The following DPH1 variants were observed in gnomAD, a reference collection of about 807,000 sequenced individuals.
DPH1 encodes the protein diphthamide biosynthesis 1.
Under a neutral mutation model 55.3 loss-of-function variants are expected in DPH1, and 59 were observed. That is an observed-to-expected ratio of 1.07 (90% confidence interval 0.87 to 1.33). The LOEUF (loss-of-function observed/expected upper bound fraction) is 1.33. Among genes scored for constraint, DPH1 ranks in the 40% most tolerant of loss-of-function variants. DPH1 has a pLI of 0.00. For missense variants in DPH1, 628 were observed against 584.8 expected (o/e 1.07, Z -0.76); for synonymous variants, 238 against 235.5 (o/e 1.01, Z -0.10).
rs187964662 is a variant in DPH1, at chr17:2,036,858, C to G, written c.582C>G (p.Ala194=). ...AGGCAGCCGCCCAGGAGCTGAAAGC[C>G]GAGTATCGTGTGAGTGTCCCACAGT... ...TLQAAAQELK[A]EYRVSVPQCK... Residue 194 remains alanine (A), a synonymous_variant, in exon 6 of 13, where the codon GCC becomes GCG. Coordinates refer to ENST00000263083, the MANE Select transcript of DPH1 (RefSeq NM_001383.6). The surrounding 1 kb of genome is among the most constrained non-coding windows in gnomAD (Gnocchi z 4.8). The G allele has an allele frequency of 4.3e-6, 7 of 1,613,612 alleles. No homozygotes were observed. Among genetic ancestry groups the G allele is most frequent in the Non-Finnish European group, 5.1e-6 (6 of 1,179,954 alleles).
In DPH1 at chr17:2,033,665, T is replaced by A. The variant is rs2067362314; in HGVS notation, c.214+8T>A. 5.0e-6 allele frequency: 8 copies of A among 1,613,836 alleles called. No homozygotes were observed. Among genetic ancestry groups the A allele is most frequent in the Non-Finnish European group, 6.8e-6 (8 of 1,179,764 alleles). ...AAGCCCAGGCCAAGAAGGGTGAGCC[T>A]GTGATCATTGAGCTGGGGTTGGGGT... On this transcript the variant is annotated splice_region_variant and intron_variant, in intron 2 of 12. Transcript: ENST00000263083.
At chr17:2,031,486 C>T (rs1026482863) in intron 1 of DPH1, among the ~76,000 whole-genome samples, 2 of 145,564 alleles carry the variant, frequency 1.4e-5, no homozygotes, top group African/African-American at 2.5e-5. Flanking sequence ...TGCTTGAGTC[C>T]GAGAGGCTGA....
chr17:2,043,087 G>C lies in DPH1; in HGVS notation c.*501G>C. 1 of 1,613,582 alleles carries C rather than the reference G, an allele frequency of 6.2e-7. No individual in the cohort carries two copies. The highest frequency in any genetic ancestry group is 8.5e-7 in the Non-Finnish European group (1 of 1,179,936). Reference sequence around the variant, plus strand: ...GCGTCAGGCCTACCTCAAGTTCTTGGACCAGTTTGCAGAGTGAAAGATCAA... The same window carrying C: ...GCGTCAGGCCTACCTCAAGTTCTTGCACCAGTTTGCAGAGTGAAAGATCAA... On this transcript the variant is annotated 3_prime_UTR_variant, in exon 13 of 13. Transcript: ENST00000263083.
In DPH1 at chr17:2,043,207, C is replaced by T; in HGVS notation, c.*621C>T. 6 of 1,360,536 alleles carry T rather than the reference C, an allele frequency of 4.4e-6. No homozygotes were observed. The highest frequency in any genetic ancestry group is 1.4e-5 in the South Asian group (1 of 73,434). The allele number at this position is 1,360,536 out of a possible 1,614,324, so 84.3% of individuals were successfully genotyped here. On this transcript the variant is annotated 3_prime_UTR_variant, in exon 13 of 13. Transcript: ENST00000263083. ...TCCACTCACTGCTGTGAGTGCGCCT[C>T]ACCAGAACCAGTTAAGAGACAACTA...
chr17:2,041,421 A>G, intron 10 of DPH1, 60 bp from the exon 11 acceptor site: 1 of 1,561,702 alleles, frequency 6.4e-7, no homozygotes, highest in Admixed American at 1.8e-5. Flanking sequence ...GACTGAATTC[A>G]GTAATCCAGG....
rs2067356067 is a variant in DPH1 at position 2,033,326 on chromosome 17, C to T, written c.62-179C>T. On this transcript the variant is annotated intron_variant, in intron 1 of 12. Coordinates refer to ENST00000263083, the MANE Select transcript of DPH1 (RefSeq NM_001383.6). ...TTCTTGTTTAGCAAGTTATTTAATT[C>T]CCTAATTGCTGGTTGTAGGGCTAGC... 6.3e-6 allele frequency: 5 copies of T among 797,256 alleles called. No individual in the cohort carries two copies. In the Admixed American group the frequency reaches 1.4e-4, roughly 23 times the overall value. 49.4% of individuals were successfully genotyped at this position (797,256 alleles called of 1,614,324 possible).
chr17:2,036,787 G>A lies in DPH1; in HGVS notation c.559-48G>A, dbSNP rs2151348175. 6.2e-7 allele frequency: 1 copy of A among 1,607,998 alleles called. No individual in the cohort carries two copies. The highest frequency in any genetic ancestry group is 1.1e-5 in the South Asian group (1 of 90,310). The stretch of plus-strand genomic sequence containing the variant: ...TGCTCCAGGCTGTTTCTCAGCCCTG[G>A]CTCTCCTGCCCCAGCCGCTGGCTTC... On this transcript the variant is annotated intron_variant, in intron 5 of 12. Transcript: ENST00000263083. This position sits in a 1 kb window ranked among gnomAD's most constrained non-coding sequence, Gnocchi z 4.8.
At position 2,042,677 on chromosome 17, in the gene DPH1, T is replaced by G; in HGVS notation, c.*91T>G. On this transcript the variant is annotated 3_prime_UTR_variant, in exon 13 of 13. Coordinates refer to ENST00000263083, the MANE Select transcript of DPH1 (RefSeq NM_001383.6). ...CAGGAGGCCGACGTTTTCTCCGCAT[T>G]GGAAGAGCCCGCCGTCTGCAGGGGC... The G allele has an allele frequency of 3.9e-6, 6 of 1,526,436 alleles. No individual in the cohort carries two copies. The highest frequency in any genetic ancestry group is 5.3e-6 in the Non-Finnish European group (6 of 1,140,292). 94.6% of individuals were successfully genotyped at this position (1,526,436 alleles called of 1,614,324 possible).
At chr17:2,040,897 C>T (rs2067508578) in intron 9 of DPH1, 1 of 654,802 alleles carries the variant, frequency 1.5e-6, no homozygotes, top group East Asian at 2.7e-5. Flanking sequence ...AGTGAGCTGC[C>T]CTGGAAAGCT....
At chr17:2,039,700 C>A (rs376220370) in intron 6 of DPH1, 55 bp from the exon 7 acceptor site, 1 of 1,610,418 alleles carries the variant, frequency 6.2e-7, no homozygotes, top group Non-Finnish European at 8.5e-7. Context: ...TCTAAGCCAG[C>A]GAGTGCCTCT....
rs564796330 is a variant in DPH1 at position 2,041,346 on chromosome 17, G to A, written c.1087-135G>A. The A allele has an allele frequency of 4.9e-4, 721 of 1,459,848 alleles. 4 individuals carry two copies. The South Asian group carries it at 9.0e-3, about 18-fold the overall frequency. The allele number at this position is 1,459,848 out of a possible 1,614,324, so 90.4% of individuals were successfully genotyped here. ...TTCCTAGCTGTGTAGCCTTAGGCAA[G>A]GCCCTGAACCACACAGTTCCCTTCT... is the stretch of plus-strand genomic sequence containing the variant. On this transcript the variant is annotated intron_variant, in intron 10 of 12. Coordinates refer to ENST00000263083, the MANE Select transcript of DPH1 (RefSeq NM_001383.6).
rs998751443 is a variant in DPH1, at chr17:2,041,497, G to A, written c.1103G>A (p.Arg368Lys). Residue 368 changes from arginine to lysine, a missense_variant, in exon 11 of 13, where the codon AGG becomes AAG. Physicochemically the swap from Arg to Lys is conservative, Grantham distance 26. Coordinates refer to ENST00000263083, the MANE Select transcript of DPH1 (RefSeq NM_001383.6). ...CTCCCCTAGGCGGCCGTGGCTCTGA[G>A]GGACATTTCCTGGCAGCAGCCCTAC... ...LTPYEAAVAL[R>K]DISWQQPYPM... 6.2e-7 allele frequency: 1 copy of A among 1,610,428 alleles called. No individual in the cohort carries two copies.
chr17:2,041,901 C>G, intron 12 of DPH1, 26 bp downstream of exon 12: 1 of 1,548,342 alleles, frequency 6.5e-7, no homozygotes, highest in East Asian at 2.4e-5. Flanking sequence ...CTGGGTGCGC[C>G]CCGCCTTTTG....
chr17:2,036,129 T>C lies in DPH1; in HGVS notation c.400+38T>C, dbSNP rs772087262. 1.9e-6 allele frequency: 3 copies of C among 1,609,734 alleles called. No individual in the cohort carries two copies. Among genetic ancestry groups the C allele is most frequent in the Middle Eastern group, 1.7e-4 (1 of 6,042 alleles). ...CAGGACACCTGGACGGTGGCGGGGC[T>C]GGCAGGGAGGCAGGCTGCACATTCA... is the stretch of plus-strand genomic sequence containing the variant. On this transcript the variant is annotated intron_variant, in intron 4 of 12. Coordinates refer to ENST00000263083, the MANE Select transcript of DPH1 (RefSeq NM_001383.6). The surrounding 1 kb of genome is among the most constrained non-coding windows in gnomAD (Gnocchi z 4.8).
chr17:2,040,297 G>T lies in DPH1; in HGVS notation c.829G>T (p.Ala277Ser). 6.2e-7 allele frequency: 1 copy of T among 1,614,088 alleles called. No homozygotes were observed. The highest frequency in any genetic ancestry group is 8.5e-7 in the Non-Finnish European group (1 of 1,180,042). ...GCAGGCTGCTCGCCAAGAAGCCATA[G>T]CCACTGCCCGCTCAGCTAAGTCCTG... ...RMQAARQEAIATARSAKSWGL... is the reference protein window; with the variant it reads ...RMQAARQEAISTARSAKSWGL... Residue 277 changes from alanine (A) to serine (S), a missense_variant, in exon 8 of 13, where the codon GCC becomes TCC. Ala to Ser is a moderately conservative substitution (Grantham distance 99). Transcript: ENST00000263083.
Position 2,042,744 on chromosome 17 carries a change from G to A in DPH1, c.*158G>A. 3 of 1,601,848 alleles carry A rather than the reference G, an allele frequency of 1.9e-6. No individual in the cohort carries two copies. Among genetic ancestry groups the A allele is most frequent in the South Asian group, 2.2e-5 (2 of 89,398 alleles). ...GGATGGTGGCACAGGCACTGAACAG[G>A]CTGGGGCCTTTTGACGGCCTTCTTG... On this transcript the variant is annotated 3_prime_UTR_variant, in exon 13 of 13. Transcript: ENST00000263083.
chr17:2,042,283 G>A, intron 12 of DPH1: 1 of 1,397,594 alleles, frequency 7.2e-7, no homozygotes, highest in East Asian at 2.9e-5. Flanking sequence ...ATCTTGTTTC[G>A]TCCCCCTCGA....
chr17:2,040,732 C>G, intron 9 of DPH1, 127 bp downstream of exon 9: 1 of 1,117,896 alleles, frequency 8.9e-7, no homozygotes, highest in South Asian at 1.4e-5. Context: ...TTACAGAGAC[C>G]TCCCTGGGAG....
chr17:2,042,010 A>C, intron 12 of DPH1, 135 bp downstream of exon 12: 1 of 1,492,816 alleles, frequency 6.7e-7, no homozygotes, highest in Non-Finnish European at 8.9e-7. Flanking sequence ...TCGGGGAAAG[A>C]CCGCTTCCGG....
Sources: gnomAD v4.1 joint callset for allele counts (sites outside exome capture counted in the v4.1 genomes callset) on GRCh38, gnomAD v4.1.1 for gene constraint, Gnocchi (gnomAD v3.1) non-coding constraint, MANE v1.5 for transcripts, NCBI Gene and HGNC (gene_info 2026-07-23, HGNC 2026-07-21) for gene names.